Variants in FNDC7 observed in about 807,000 individuals in gnomAD.
FNDC7 encodes fibronectin type III domain containing 7.
In FNDC7, 66 loss-of-function variants were observed where a neutral mutation model predicts 74.2. The observed-to-expected ratio is 0.89, with a 90% CI of 0.73 to 1.09. FNDC7 has a LOEUF of 1.09. Ranked by LOEUF, FNDC7 falls within the 50% of genes least tolerant of loss-of-function variation. The pLI is 0.00. For missense variants in FNDC7, 829 were observed against 893.4 expected (o/e 0.93, Z 0.92); for synonymous variants, 307 against 330.2 (o/e 0.93, Z 0.76).
At chr1:108,722,278 A>T in intron 4 of FNDC7, 57 bp from the exon 5 acceptor site, 4 of 1,453,710 alleles carry the variant, frequency 2.8e-6, no homozygotes, top group Non-Finnish European at 3.7e-6. Flanking sequence ...TGTTATGCCA[A>T]CTCTTACGTA....
chr1:108,717,031 C>T (rs1660991458), intron 2 of FNDC7, among the ~76,000 whole-genome samples: 1 of 152,176 alleles, frequency 6.6e-6, no homozygotes, highest in African/African-American at 2.4e-5. Context: ...TTTGTGTAAG[C>T]CCATGACATA....
At chr1:108,740,055 G>A (rs1054510415) in intron 11 of FNDC7, among the ~76,000 whole-genome samples, 120 of 118,620 alleles carry the variant, frequency 1.0e-3, no homozygotes, top group African/African-American at 3.4e-3. Context: ...AAAAAATCCC[G>A]CAAGGCCCTC....
At chr1:108,738,403 A>G (rs1302997804) in intron 11 of FNDC7, among the ~76,000 whole-genome samples, 1 of 151,976 alleles carries the variant, frequency 6.6e-6, no homozygotes, top group Non-Finnish European at 1.5e-5. Context: ...ATGAGTGTTG[A>G]CCCAGTAAGC....
chr1:108,713,999 A>T (rs1223095849), intron 2 of FNDC7, among the ~76,000 whole-genome samples: 2 of 152,248 alleles, frequency 1.3e-5, no homozygotes, highest in Non-Finnish European at 2.9e-5. Flanking sequence ...GCATATTTGA[A>T]ATATAGACAA....
rs570134424 is a variant in FNDC7 at position 108,727,352 on chromosome 1, C to CAAA, written c.1112-451_1112-449dup. 4.3e-3 allele frequency among the ~76,000 whole-genome samples: 653 copies of CAAA among 152,032 alleles called. 2 individuals are homozygous for CAAA. Among genetic ancestry groups the CAAA allele is most frequent in the Non-Finnish European group, 7.2e-3 (490 of 67,962 alleles). ...TGAAAAAACAAAACAACAACAACAA[C>CAAA]AAAAAAACTACTTATATAACTGTGA... On this transcript the variant is annotated intron_variant, in intron 6 of 12. Coordinates refer to ENST00000370017, the MANE Select transcript of FNDC7 (RefSeq NM_001144937.3).
intron 2 of FNDC7, 42 bp from the exon 3 acceptor site, chr1:108,717,735 G>A (rs4970804): frequency 0.62 from 951,579 of 1,535,786 alleles, 300,645 homozygotes; most frequent in East Asian, 0.78. Context: ...AGTCATCCTC[G>A]TAGGTATCTT....
intron 4 of FNDC7, among the ~76,000 whole-genome samples, chr1:108,721,180 G>T (rs2101079247): frequency 6.6e-6 from 1 of 152,248 alleles, no homozygotes; most frequent in Non-Finnish European, 1.5e-5. Flanking sequence ...CCTCAAAGAG[G>T]CCTTCCCGGC....
intron 9 of FNDC7, among the ~76,000 whole-genome samples, chr1:108,732,058 G>A (rs896519783): frequency 2.0e-5 from 3 of 152,026 alleles, no homozygotes; most frequent in African/African-American, 7.2e-5. Flanking sequence ...ATTTAGAAAA[G>A]GAAAAAAATA....
rs1341625726 is a variant in FNDC7, at chr1:108,718,900, A to G, written c.449A>G (p.Asn150Ser). The part of the protein sequence containing the change: ...IAFSVSIMRA[N>S]GLGSIWKENT... ...TTCTCCGTGTCCATTATGCGAGCCAATGGCTTGGGGAGTATATGGAAAGAG... is the reference window on the plus strand; with the variant it reads ...TTCTCCGTGTCCATTATGCGAGCCAGTGGCTTGGGGAGTATATGGAAAGAG... Residue 150 changes from asparagine (N) to serine (S), a missense_variant, in exon 4 of 13, where the codon AAT becomes AGT. Transcript: ENST00000370017. 1.3e-6 allele frequency: 2 copies of G among 1,551,750 alleles called. No individual in the cohort carries two copies. The highest frequency in any genetic ancestry group is 3.9e-5 in the Admixed American group (2 of 51,000).
At chr1:108,721,703 G>T (rs1661096516) in intron 4 of FNDC7, among the ~76,000 whole-genome samples, 1 of 152,132 alleles carries the variant, frequency 6.6e-6, no homozygotes, top group African/African-American at 2.4e-5. Context: ...AAGAATGTAG[G>T]GTTAAGTGTT....
intron 6 of FNDC7, among the ~76,000 whole-genome samples, chr1:108,727,441 A>C (rs1046181851): frequency 6.6e-6 from 1 of 152,126 alleles, no homozygotes; most frequent in Non-Finnish European, 1.5e-5. Flanking sequence ...GAGAAGTTAG[A>C]CTGCATATGA....
intron 11 of FNDC7, among the ~76,000 whole-genome samples, chr1:108,740,856 T>C (rs1404432380): frequency 6.6e-6 from 1 of 152,238 alleles, no homozygotes. Context: ...TCATATTCAG[T>C]TTAAGCTCAT....
chr1:108,730,510 G>A (rs766278839), intron 8 of FNDC7, among the ~76,000 whole-genome samples, 164 bp from the exon 9 acceptor site: 9 of 152,064 alleles, frequency 5.9e-5, no homozygotes, highest in Non-Finnish European at 1.2e-4. Flanking sequence ...GTTACATGAC[G>A]CATCAGAGGG....
Position 108,718,317 on chromosome 1 carries a change from C to A in FNDC7, c.337+286C>A, listed in dbSNP as rs914653533. Among the ~76,000 whole-genome samples, 3 of 152,152 alleles carry A rather than the reference C, an allele frequency of 2.0e-5. No homozygotes were observed. The South Asian group carries it at 6.2e-4, about 31-fold the overall frequency. On this transcript the variant is annotated intron_variant, in intron 3 of 12. Coordinates refer to ENST00000370017, the MANE Select transcript of FNDC7 (RefSeq NM_001144937.3). ...GAAATAGGGATTTCTGGTTTTAACA[C>A]GCCAAATGAAGAACACAGAGAAGGG... is the stretch of plus-strand genomic sequence containing the variant.
intron 4 of FNDC7, among the ~76,000 whole-genome samples, chr1:108,720,655 T>C (rs1442137723): frequency 6.6e-6 from 1 of 152,220 alleles, no homozygotes; most frequent in Non-Finnish European, 1.5e-5. Flanking sequence ...TGGTTCCTTC[T>C]GAGGGATGTG....
chr1:108,716,103 A>G (rs184945687), intron 2 of FNDC7, among the ~76,000 whole-genome samples: 221 of 152,236 alleles, frequency 1.5e-3, no homozygotes, highest in Admixed American at 4.6e-3. Context: ...ATGCCTTTCA[A>G]ACTGCTCCGT....
At chr1:108,728,133 G>A (rs1661261607) in intron 7 of FNDC7, 68 bp downstream of exon 7, 1 of 1,555,822 alleles carries the variant, frequency 6.4e-7, no homozygotes, top group Admixed American at 1.7e-5. Flanking sequence ...GCCTCAGGAT[G>A]GGCATTCAGT....
chr1:108,740,198 C>G (rs1189888903), intron 11 of FNDC7, among the ~76,000 whole-genome samples: 1 of 152,000 alleles, frequency 6.6e-6, no homozygotes, highest in African/African-American at 2.4e-5. Context: ...CAAGTCCAAT[C>G]AGGTCCCTGG....
In FNDC7 at chr1:108,725,855, A is replaced by G; in HGVS notation, c.962A>G (p.Lys321Arg). 1 of 1,614,042 alleles carries G rather than the reference A, an allele frequency of 6.2e-7. No individual in the cohort carries two copies. Among genetic ancestry groups the G allele is most frequent in the South Asian group, 1.1e-5 (1 of 91,072 alleles). ...GGTGACTACTATGTGGTCTTTGTGAAGAGTGATGATGGCTTGGAAGTACAC... is the reference window on the plus strand; with the variant it reads ...GGTGACTACTATGTGGTCTTTGTGAGGAGTGATGATGGCTTGGAAGTACAC... ...DLGDYYVVFV[K>R]SDDGLEVHCN... is the part of the protein sequence containing the mutation. Residue 321 changes from lysine (K) to arginine (R), a missense_variant, in exon 6 of 13, where the codon AAG becomes AGG. Physicochemically the swap from Lys to Arg is conservative, Grantham distance 26 (BLOSUM62 2). Transcript: ENST00000370017.
Sources: gnomAD v4.1 joint callset for allele counts (sites outside exome capture counted in the v4.1 genomes callset) on GRCh38, gnomAD v4.1.1 for gene constraint, MANE v1.5 for transcripts, NCBI Gene and HGNC (gene_info 2026-07-23, HGNC 2026-07-21) for gene names.